CCDC13: variants seen among roughly 807,000 people sequenced by gnomAD.
The protein encoded by CCDC13 is coiled-coil domain-containing protein 13.
Under a neutral mutation model 87.3 loss-of-function variants are expected in CCDC13, and 70 were observed. The ratio of observed to expected loss-of-function variants is 0.80; its 90% CI spans 0.66 to 0.98. The LOEUF is 0.98. Ranked by LOEUF, CCDC13 falls within the 50% of genes least tolerant of loss-of-function variation. CCDC13 has a pLI of 0.00. For synonymous variants in CCDC13, 317 were observed against 360.3 expected, an observed-to-expected ratio of 0.88 and a Z score of 1.36; for missense variants, 842 against 892.0, an observed-to-expected ratio of 0.94 and a Z score of 0.71.
intron 3 of CCDC13, among the ~76,000 whole-genome samples, chr3:42,754,607 A>G (rs1244112131): frequency 6.6e-6 from 1 of 152,174 alleles, no homozygotes; most frequent in Non-Finnish European, 1.5e-5. Context: ...CCTGGATAGG[A>G]TGTGTGAAGC....
At chr3:42,713,060 C>A in intron 14 of CCDC13, 102 bp downstream of exon 14, 1 of 1,355,904 alleles carries the variant, frequency 7.4e-7, no homozygotes, top group Admixed American at 2.2e-5. Flanking sequence ...CTCTGCTTCC[C>A]ACATGCTCAC....
chr3:42,751,815 G>A (rs1274515919), intron 5 of CCDC13, 121 bp downstream of exon 5: 23 of 788,882 alleles, frequency 2.9e-5, no homozygotes, highest in South Asian at 7.7e-5. Flanking sequence ...CACCTGGCTC[G>A]GCAGCGGGGT....
chr3:42,766,884 A>C (rs911147259), intron 1 of CCDC13, among the ~76,000 whole-genome samples: 1 of 152,220 alleles, frequency 6.6e-6, no homozygotes, highest in Non-Finnish European at 1.5e-5. Flanking sequence ...CTCTAAGTAA[A>C]CTAGGAATAG....
At chr3:42,750,359 G>A (rs559302385) in intron 5 of CCDC13, among the ~76,000 whole-genome samples, 5 of 152,304 alleles carry the variant, frequency 3.3e-5, no homozygotes, top group East Asian at 1.9e-4. Context: ...TTAGAGCACC[G>A]GGGCCATCTC....
downstream of CCDC13, among the ~76,000 whole-genome samples, chr3:42,705,683 G>C (rs570877862): frequency 1.3e-5 from 2 of 152,330 alleles, no homozygotes; most frequent in African/African-American, 4.8e-5. Flanking sequence ...CCACCTGCCT[G>C]AGGGACAGGG....
At chr3:42,711,812 G>C (rs1698319739) in intron 14 of CCDC13, among the ~76,000 whole-genome samples, 3 of 152,222 alleles carry the variant, frequency 2.0e-5, no homozygotes, top group Admixed American at 6.5e-5. Context: ...TTAAAAGCCA[G>C]TAGGCAGCAG....
intron 1 of CCDC13, among the ~76,000 whole-genome samples, chr3:42,765,644 A>T (rs1485578936): frequency 1.3e-5 from 2 of 152,150 alleles, no homozygotes; most frequent in Non-Finnish European, 2.9e-5. Flanking sequence ...GGTGTTAAGC[A>T]CTCTGAGAGG....
chr3:42,721,497 A>C (rs1028713863), intron 13 of CCDC13, among the ~76,000 whole-genome samples: 1 of 152,224 alleles, frequency 6.6e-6, no homozygotes, highest in African/African-American at 2.4e-5. Flanking sequence ...TTTTGTTTCA[A>C]ACGTTGCTGA....
chr3:42,705,327 G>A (rs954569824), downstream of CCDC13, among the ~76,000 whole-genome samples: 1 of 152,110 alleles, frequency 6.6e-6, no homozygotes, highest in Non-Finnish European at 1.5e-5. Context: ...TGGGCTCCTG[G>A]GAGCAGGGGA....
In CCDC13 at chr3:42,713,303, T is replaced by C; in HGVS notation, c.1732A>G (p.Asn578Asp). The C allele has an allele frequency of 6.2e-7, 1 of 1,614,026 alleles. No individual in the cohort carries two copies. The highest frequency in any genetic ancestry group is 8.5e-7 in the Non-Finnish European group (1 of 1,179,944). Residue 578 changes from asparagine to aspartate, a missense_variant, in exon 14 of 16, where the codon AAC (asparagine) becomes GAC (aspartate). Physicochemically the swap from Asn to Asp is conservative, Grantham distance 23. Coordinates refer to ENST00000310232, the MANE Select transcript of CCDC13 (RefSeq NM_144719.4). ...TVLQKRVEES[N>D]SKLLESERKL... ...CTCTCTGACTCCAGGAGCTTGCTGT[T>C]GCTCTCCTCCACCCTGGTGATTAGA...
intron 1 of CCDC13, among the ~76,000 whole-genome samples, chr3:42,771,557 C>A (rs1700108302): frequency 6.6e-6 from 1 of 152,178 alleles, no homozygotes. Flanking sequence ...GAGTTTGAGA[C>A]CAGCTTGGGC....
intron 15 of CCDC13, 89 bp from the exon 16 acceptor site, chr3:42,709,228 C>T: frequency 7.4e-7 from 1 of 1,355,924 alleles, no homozygotes. Flanking sequence ...TGGTTGCCAG[C>T]ATGGCTGCTC....
At chr3:42,756,049 T>C (rs1308884763) in intron 3 of CCDC13, among the ~76,000 whole-genome samples, 1 of 152,180 alleles carries the variant, frequency 6.6e-6, no homozygotes. Flanking sequence ...CATGAGTCTT[T>C]AGGATACCAA....
At chr3:42,732,831 T>C in intron 12 of CCDC13, 56 bp downstream of exon 12, 1 of 1,446,900 alleles carries the variant, frequency 6.9e-7, no homozygotes, top group Non-Finnish European at 9.5e-7. Context: ...GCAATACTGG[T>C]TGAGCAATCA....
Position 42,730,628 on chromosome 3 carries a change from G to A in CCDC13, c.1596-39C>T, listed in dbSNP as rs6802779. 5,947 of 1,606,758 alleles carry A rather than the reference G, an allele frequency of 3.7e-3. 157 individuals carry two copies. In the African/African-American group the frequency reaches 0.064, roughly 17 times the overall value. On this transcript the variant is annotated intron_variant, in intron 12 of 15. Transcript: ENST00000310232. ...GGAGGGCAGAGGGCAGAGGTCATCC[G>A]AGGCCTAGAAATAACACTTACCCCT...
chr3:42,713,255 G>C lies in CCDC13; in HGVS notation c.1780C>G (p.Arg594Gly). The C allele has an allele frequency of 6.2e-7, 1 of 1,614,120 alleles. No individual in the cohort carries two copies. The highest frequency in any genetic ancestry group is 8.5e-7 in the Non-Finnish European group (1 of 1,180,018). Residue 594 changes from arginine to glycine, a missense_variant, in exon 14 of 16, where the codon CGC (arginine) becomes GGC (glycine). Coordinates refer to ENST00000310232, the MANE Select transcript of CCDC13 (RefSeq NM_144719.4). ...SERKLQEERH[R>G]TVVLEQHLEK... ...AGATGTTGCTCCAGCACCACGGTGC[G>C]GTGTCGCTCCTCCTGCAGCTTCCTC...
chr3:42,732,014 T>G (rs1698846608), intron 12 of CCDC13, among the ~76,000 whole-genome samples: 1 of 152,198 alleles, frequency 6.6e-6, no homozygotes, highest in Admixed American at 6.5e-5. Context: ...CTTGTCCATC[T>G]TCCTGCTCTC....
intron 12 of CCDC13, 100 bp from the exon 13 acceptor site, chr3:42,730,689 G>C: frequency 6.8e-7 from 1 of 1,478,162 alleles, no homozygotes; most frequent in African/African-American, 1.4e-5. Flanking sequence ...CATTCAGGGC[G>C]AATGTCAGCC....
intron 8 of CCDC13, among the ~76,000 whole-genome samples, chr3:42,741,245 T>C (rs1357114182): frequency 6.6e-6 from 1 of 152,150 alleles, no homozygotes; most frequent in Non-Finnish European, 1.5e-5. Context: ...CAATCAGTCC[T>C]TGAGCCCTAG....
Sources: gnomAD v4.1 joint callset for allele counts (sites outside exome capture counted in the v4.1 genomes callset) on GRCh38, gnomAD v4.1.1 for gene constraint, MANE v1.5 for transcripts, NCBI Gene and HGNC (gene_info 2026-07-23, HGNC 2026-07-21) for gene names.